CDH10: variants seen among roughly 807,000 people sequenced by gnomAD.
The protein encoded by CDH10 is cadherin-10.
Under a neutral mutation model 73.1 loss-of-function variants are expected in CDH10, and 30 were observed. That is an observed-to-expected ratio of 0.41 (90% CI 0.31 to 0.56). The LOEUF is 0.56. Ranked by LOEUF, CDH10 falls within the 20% of genes least tolerant of loss-of-function variation. CDH10 has a pLI of 0.27. For missense variants in CDH10, 815 were observed against 973.7 expected, an observed-to-expected ratio of 0.84 and a Z score of 2.17; for synonymous variants, 345 against 348.2, an observed-to-expected ratio of 0.99 and a Z score of 0.10.
intron 7 of CDH10, among the ~76,000 whole-genome samples, chr5:24,505,600 G>C (rs1038823459): frequency 1.3e-5 from 2 of 152,146 alleles, no homozygotes; most frequent in Non-Finnish European, 2.9e-5. Context: ...TGGAAGTTCT[G>C]CTGAAGAATA....
rs2112094559 is a variant in CDH10, at chr5:24,593,486, G to A, written c.5C>T (p.Thr2Ile). MTIHQFLLLFLF... is the reference protein window; with the variant it reads MIIHQFLLLFLF... ...AAACAGTAGCAAAAATTGATGTATT[G>A]TCATAGTTCACTTCTTGACAAATCC... is the stretch of plus-strand genomic sequence containing the variant. Residue 2 changes from threonine to isoleucine, a missense_variant, in exon 2 of 12, where the codon ACA (threonine) becomes ATA (isoleucine). Coordinates refer to ENST00000264463, the MANE Select transcript of CDH10 (RefSeq NM_006727.5). 1 of 1,550,492 alleles carries A rather than the reference G, an allele frequency of 6.4e-7. No individual in the cohort carries two copies. Among genetic ancestry groups the A allele is most frequent in the Non-Finnish European group, 8.9e-7 (1 of 1,122,546 alleles).
intron 2 of CDH10, among the ~76,000 whole-genome samples, chr5:24,575,355 C>A (rs72752017): frequency 0.41 from 51,263 of 123,676 alleles, 11,915 homozygotes; most frequent in East Asian, 0.56. Flanking sequence ...ACAAAAACAA[C>A]AAAAAAAAAA....
intron 8 of CDH10, among the ~76,000 whole-genome samples, 170 bp downstream of exon 8, chr5:24,504,942 T>A (rs963312394): frequency 6.6e-6 from 1 of 152,130 alleles, no homozygotes; most frequent in Non-Finnish European, 1.5e-5. Context: ...TGCACTGATG[T>A]AAGAAATATT....
At position 24,570,150 on chromosome 5, in the gene CDH10, T is replaced by G. The variant is rs369422995; in HGVS notation, c.231+23110A>C. Among the ~76,000 whole-genome samples, 36 of 152,296 alleles carry G rather than the reference T, an allele frequency of 2.4e-4. No individual in the cohort carries two copies. The East Asian group carries it at 5.8e-3, about 24-fold the overall frequency. ...AAATTGGGAATCACCCTCTTAGAGA[T>G]ATTAATTTGTAGAAACTTTTGCATA... On this transcript the variant is annotated intron_variant, in intron 2 of 11. Coordinates refer to ENST00000264463, the MANE Select transcript of CDH10 (RefSeq NM_006727.5).
intron 2 of CDH10, among the ~76,000 whole-genome samples, chr5:24,567,611 A>G (rs1745210368): frequency 6.6e-6 from 1 of 152,066 alleles, no homozygotes; most frequent in Non-Finnish European, 1.5e-5. Context: ...TTCCTGTTGA[A>G]TGAAATCAGA....
intron 2 of CDH10, among the ~76,000 whole-genome samples, chr5:24,577,984 T>C (rs1745662984): frequency 6.6e-6 from 1 of 152,192 alleles, no homozygotes. Flanking sequence ...TTGAAGAGCC[T>C]GACCTTCACT....
At chr5:24,643,223 G>A (rs141691535) in intron 1 of CDH10, among the ~76,000 whole-genome samples, 1 of 152,248 alleles carries the variant, frequency 6.6e-6, no homozygotes, top group Non-Finnish European at 1.5e-5. Flanking sequence ...GCATTTACCT[G>A]TGTTTCTAGG....
intron 5 of CDH10, among the ~76,000 whole-genome samples, chr5:24,524,284 T>C (rs925849076): frequency 6.6e-6 from 1 of 152,098 alleles, no homozygotes; most frequent in Non-Finnish European, 1.5e-5. Flanking sequence ...CTAAGATGAG[T>C]CTGTTGAATA....
At chr5:24,643,348 G>A (rs1255168930) in intron 1 of CDH10, among the ~76,000 whole-genome samples, 1 of 151,880 alleles carries the variant, frequency 6.6e-6, no homozygotes, top group African/African-American at 2.4e-5. Flanking sequence ...CACCATACCA[G>A]ACCTAAAAAA....
In CDH10 at chr5:24,487,988, A is replaced by T. The variant is rs2111608715; in HGVS notation, c.2042T>A (p.Ile681Asn). 1 of 1,613,940 alleles carries T rather than the reference A, an allele frequency of 6.2e-7. No individual in the cohort carries two copies. ...ATCTCGCCGGAGCTTTTTTTCCTCA[A>T]TGGCTGCAGGATTCCTCAGGGTGCC... ...DIGTLRNPAA[I>N]EEKKLRRDII... Residue 681 changes from isoleucine to asparagine, a missense_variant, in exon 12 of 12, where the codon ATT (isoleucine) becomes AAT (asparagine). Ile to Asn is a moderately radical substitution (Grantham distance 149). This residue lies in a region of CDH10 where 241 missense variants were observed against 240.3 expected (regional missense o/e 1.00). Transcript: ENST00000264463.
intron 2 of CDH10, among the ~76,000 whole-genome samples, chr5:24,578,772 C>T (rs183573261): frequency 2.6e-4 from 40 of 152,022 alleles, no homozygotes; most frequent in African/African-American, 9.7e-4. Context: ...GCAATAATTC[C>T]ATCTCACAGA....
At chr5:24,565,734 C>G (rs1389003298) in intron 2 of CDH10, among the ~76,000 whole-genome samples, 1 of 151,876 alleles carries the variant, frequency 6.6e-6, no homozygotes, top group East Asian at 1.9e-4. Flanking sequence ...AGGGAGAACT[C>G]TCGCTCTCTG....
chr5:24,593,806 A>G (rs1746282104), intron 1 of CDH10, among the ~76,000 whole-genome samples, 193 bp from the exon 2 acceptor site: 1 of 151,984 alleles, frequency 6.6e-6, no homozygotes, highest in Non-Finnish European at 1.5e-5. Context: ...CAAAAATATA[A>G]TTGTAAATGT....
chr5:24,534,128 G>A (rs1743853807), intron 5 of CDH10, among the ~76,000 whole-genome samples: 2 of 151,950 alleles, frequency 1.3e-5, no homozygotes, highest in South Asian at 4.1e-4. Flanking sequence ...ATTCCTCTGA[G>A]CAACGGCCTT....
At position 24,505,106 on chromosome 5, in the gene CDH10, T is replaced by A. The variant is rs1023327185; in HGVS notation, c.1393+6A>T. The A allele has an allele frequency of 6.3e-7, 1 of 1,599,830 alleles. No homozygotes were observed. Among genetic ancestry groups the A allele is most frequent in the African/African-American group, 1.3e-5 (1 of 74,504 alleles). On this transcript the variant is annotated splice_donor_region_variant and intron_variant, in intron 8 of 11. Coordinates refer to ENST00000264463, the MANE Select transcript of CDH10 (RefSeq NM_006727.5). ...ATATATGTTAGATACATAAAATTCA[T>A]CTTACTGATTTCAGCAGCAATAACA...
chr5:24,600,111 T>C (rs1163927928), intron 1 of CDH10, among the ~76,000 whole-genome samples: 1 of 152,168 alleles, frequency 6.6e-6, no homozygotes, highest in Non-Finnish European at 1.5e-5. Flanking sequence ...AGTTTTCAAC[T>C]TATCAAAAAA....
chr5:24,636,529 G>A (rs1218004271), intron 1 of CDH10, among the ~76,000 whole-genome samples: 15 of 151,866 alleles, frequency 9.9e-5, no homozygotes. Flanking sequence ...TTTAAACACA[G>A]TGGCTTCTAT....
At chr5:24,639,218 TG>T (rs1448615884) in intron 1 of CDH10, among the ~76,000 whole-genome samples, 1 of 151,678 alleles carries the variant, frequency 6.6e-6, no homozygotes, top group Non-Finnish European at 1.5e-5. Context: ...TCAGTAATTA[TG>T]AAAATATTCC....
chr5:24,499,157 A>G (rs1185053291), intron 8 of CDH10, among the ~76,000 whole-genome samples: 1 of 152,170 alleles, frequency 6.6e-6, no homozygotes, highest in Admixed American at 6.5e-5. Context: ...CTGTTTGAAA[A>G]TTTTATTATA....
Sources: gnomAD v4.1 joint callset for allele counts (sites outside exome capture counted in the v4.1 genomes callset) on GRCh38, gnomAD v4.1.1 for gene constraint, gnomAD v4.1.1 regional missense constraint, MANE v1.5 for transcripts, NCBI Gene and HGNC (gene_info 2026-07-23, HGNC 2026-07-21) for gene names.